Variants in CNGA3 observed in about 807,000 individuals in gnomAD.
CNGA3 encodes the protein cyclic nucleotide-gated channel alpha-3.
A neutral mutation model predicts 46.6 loss-of-function variants in CNGA3; 42 were observed. That is an observed-to-expected ratio of 0.90 (90% CI 0.70 to 1.17). The LOEUF is 1.17. Ranked by LOEUF, CNGA3 falls within the 50% of genes most tolerant of loss-of-function variation. The probability of loss-of-function intolerance (pLI) is 0.00; values close to 1 mark genes in which losing one functional copy is unlikely to be tolerated. For missense variants in CNGA3, 893 were observed against 890.7 expected, an observed-to-expected ratio of 1.00 and a Z score of -0.03; for synonymous variants, 394 against 369.4, an observed-to-expected ratio of 1.07 and a Z score of -0.76.
At chr2:98,384,439 AACAG>A (rs1469762556) in intron 5 of CNGA3, among the ~76,000 whole-genome samples, 1 of 152,174 alleles carries the variant, frequency 6.6e-6, no homozygotes, top group African/African-American at 2.4e-5. Flanking sequence ...CTTGACTTCC[AACAG>A]ACAGAGAAAT....
intron 5 of CNGA3, among the ~76,000 whole-genome samples, chr2:98,385,767 A>G (rs1016287825): frequency 6.6e-6 from 1 of 152,198 alleles, no homozygotes; most frequent in Non-Finnish European, 1.5e-5. Context: ...CAGGAAGCAT[A>G]GCAGCTTCTG....
At chr2:98,354,828 T>A (rs982601830) in intron 1 of CNGA3, among the ~76,000 whole-genome samples, 2 of 152,202 alleles carry the variant, frequency 1.3e-5, no homozygotes, top group African/African-American at 4.8e-5. Context: ...TTCTTTAGAT[T>A]GCTTTTTTAC....
intron 4 of CNGA3, among the ~76,000 whole-genome samples, chr2:98,380,677 C>A (rs958238724): frequency 6.6e-6 from 1 of 152,164 alleles, no homozygotes; most frequent in Non-Finnish European, 1.5e-5. Context: ...GGGATGCTGG[C>A]CTTACCTATC....
chr2:98,377,746 C>T lies in CNGA3; in HGVS notation c.161C>T (p.Thr54Ile). 2 of 1,613,260 alleles carry T rather than the reference C, an allele frequency of 1.2e-6. No homozygotes were observed. Among genetic ancestry groups the T allele is most frequent in the Non-Finnish European group, 1.7e-6 (2 of 1,180,008 alleles). The change falls in exon 3 of 8, where the codon ACC becomes ATC. Residue 54 changes from threonine to isoleucine, a missense_variant. This residue lies in a region of CNGA3 where 333 missense variants were observed against 290.8 expected (regional missense o/e 1.15). Transcript: ENST00000272602. The part of the protein sequence containing the change: ...SVLQPGIAME[T>I]RGLADSGQGS... ...CTGCAGCCGGGGATCGCCATGGAGA[C>T]CAGAGGACTGGCTGACTCCGGGCAG...
rs367602506 is a variant in CNGA3, at chr2:98,380,364, G to A, written c.395+10G>A. ...CAGACAGAGGGAGAAGGTAAGGAAC[G>A]GAAAAGAAGAAGGGGCCTCTGGTGC... On this transcript the variant is annotated intron_variant, in intron 4 of 7. Coordinates refer to ENST00000272602, the MANE Select transcript of CNGA3 (RefSeq NM_001298.3). 3.1e-5 allele frequency: 50 copies of A among 1,612,718 alleles called. No homozygotes were observed. The highest frequency in any genetic ancestry group is 4.5e-5 in the East Asian group (2 of 44,842).
chr2:98,396,665 C>T lies in CNGA3; in HGVS notation c.1495C>T (p.Arg499Ter), dbSNP rs1386641968. 22 of 1,614,094 alleles carry T rather than the reference C, an allele frequency of 1.4e-5. No homozygotes were observed. Among genetic ancestry groups the T allele is most frequent in the East Asian group, 8.9e-5 (4 of 44,878 alleles). Reference protein sequence around the residue: ...GLLVELVLKLRPTVFSPGDYI... With the variant: ...GLLVELVLKL Reference sequence around the variant, plus strand: ...GCTGGTGGAGCTGGTGCTGAAGCTGCGACCCACTGTGTTCAGCCCTGGGGA... The same window carrying T: ...GCTGGTGGAGCTGGTGCTGAAGCTGTGACCCACTGTGTTCAGCCCTGGGGA... The change falls in exon 8 of 8, where the codon CGA (arginine) becomes TGA (stop). Residue 499 changes from arginine (R) to a stop codon, truncating the protein, a stop_gained. Coordinates refer to ENST00000272602, the MANE Select transcript of CNGA3 (RefSeq NM_001298.3). LOFTEE classifies it high-confidence loss of function.
chr2:98,377,610 C>T (rs1692435628), intron 2 of CNGA3, 77 bp from the exon 3 acceptor site: 1 of 1,371,462 alleles, frequency 7.3e-7, no homozygotes, highest in Non-Finnish European at 1.0e-6. Context: ...GAACATCTGA[C>T]TGTCTCACTC....
chr2:98,365,596 G>T (rs1021759645), intron 1 of CNGA3, among the ~76,000 whole-genome samples: 1 of 146,976 alleles, frequency 6.8e-6, no homozygotes, highest in Non-Finnish European at 1.5e-5. Flanking sequence ...CAGAGGTTTT[G>T]TTCATTCTTT....
intron 5 of CNGA3, among the ~76,000 whole-genome samples, chr2:98,385,060 G>A (rs1692621822): frequency 6.6e-6 from 1 of 152,186 alleles, no homozygotes; most frequent in South Asian, 2.1e-4. Context: ...GCAGTTCTGT[G>A]TAGGGTTCTT....
Position 98,369,984 on chromosome 2 carries a change from G to A in CNGA3, c.9G>A (p.Lys3=), listed in dbSNP as rs750521477. Residue 3 remains lysine, a synonymous_variant, in exon 2 of 8, where the codon AAG becomes AAA. Coordinates refer to ENST00000272602, the MANE Select transcript of CNGA3 (RefSeq NM_001298.3). Reference sequence around the variant, plus strand: ...TGTGACAAACCGAGAAGATGGCCAAGATCAACACCCAATACTCCCACCCCT... The same window carrying A: ...TGTGACAAACCGAGAAGATGGCCAAAATCAACACCCAATACTCCCACCCCT... MA[K]INTQYSHPSR... The A allele has an allele frequency of 6.2e-7, 1 of 1,613,810 alleles. No homozygotes were observed. The highest frequency in any genetic ancestry group is 1.7e-5 in the Admixed American group (1 of 59,998).
At chr2:98,386,106 G>GT (rs1046395772) in intron 5 of CNGA3, among the ~76,000 whole-genome samples, 4 of 152,180 alleles carry the variant, frequency 2.6e-5, no homozygotes, top group African/African-American at 9.7e-5. Context: ...TCTGTGAAAA[G>GT]TGCTCAGAAC....
rs1692095533 is a variant in CNGA3 at position 98,364,182 on chromosome 2, A to G, written c.-37-5757A>G. ...CACTTGAGATCAGAAGTTCAAGACT[A>G]GCCTGGCCAACATGGTGAAACCTCA... On this transcript the variant is annotated intron_variant, in intron 1 of 7. Coordinates refer to ENST00000272602, the MANE Select transcript of CNGA3 (RefSeq NM_001298.3). 2.0e-5 allele frequency among the ~76,000 whole-genome samples: 3 copies of G among 152,174 alleles called. No homozygotes were observed. The South Asian group carries it at 6.2e-4, about 32-fold the overall frequency.
chr2:98,362,950 T>A (rs1459944068), intron 1 of CNGA3, among the ~76,000 whole-genome samples: 1 of 152,222 alleles, frequency 6.6e-6, no homozygotes, highest in Admixed American at 6.5e-5. Flanking sequence ...TTGTTAAAGA[T>A]CAGATGGTTG....
chr2:98,376,507 GT>G (rs1692409249), intron 2 of CNGA3, among the ~76,000 whole-genome samples: 1 of 152,184 alleles, frequency 6.6e-6, no homozygotes, highest in African/African-American at 2.4e-5. Context: ...AGGTGGCGCA[GT>G]CAAGAGACAG....
At chr2:98,380,121 G>A (rs1692502258) in intron 3 of CNGA3, 54 bp from the exon 4 acceptor site, 1 of 1,598,140 alleles carries the variant, frequency 6.3e-7, no homozygotes. Context: ...TGGGGTTTGG[G>A]GGTGTGGGGG....
At chr2:98,365,169 C>T (rs114876849) in intron 1 of CNGA3, among the ~76,000 whole-genome samples, 2,065 of 152,204 alleles carry the variant, frequency 0.014, 27 homozygotes, top group Non-Finnish European at 0.018. Context: ...TACTGAGGTC[C>T]AGTGGCTCGC....
intron 7 of CNGA3, among the ~76,000 whole-genome samples, chr2:98,395,612 C>T (rs1002915546): frequency 1.3e-5 from 2 of 152,040 alleles, no homozygotes; most frequent in Non-Finnish European, 2.9e-5. Context: ...TTTAAATTTA[C>T]TCAATCAACC....
At chr2:98,356,161 T>C (rs4851126) in intron 1 of CNGA3, among the ~76,000 whole-genome samples, 34,530 of 152,190 alleles carry the variant, frequency 0.23, 4,386 homozygotes, top group Admixed American at 0.37. Context: ...AAAAGTGTTT[T>C]AGAAAAGTTT....
chr2:98,381,454 G>A (rs969595403), intron 4 of CNGA3, among the ~76,000 whole-genome samples: 3 of 152,216 alleles, frequency 2.0e-5, no homozygotes, highest in Admixed American at 6.5e-5. Context: ...GTGTGAAGGT[G>A]ATGAAGTCTC....
Sources: gnomAD v4.1 joint callset for allele counts (sites outside exome capture counted in the v4.1 genomes callset) on GRCh38, gnomAD v4.1.1 for gene constraint, gnomAD v4.1.1 regional missense constraint, MANE v1.5 for transcripts, NCBI Gene and HGNC (gene_info 2026-07-23, HGNC 2026-07-21) for gene names.